The following KCNIP4 variants were observed in gnomAD, a reference collection of about 807,000 sequenced individuals.
KCNIP4 encodes Kv channel-interacting protein 4.
A neutral mutation model predicts 34.0 loss-of-function variants in KCNIP4; 12 were observed. The observed-to-expected ratio is 0.35, with a 90% CI of 0.23 to 0.57. KCNIP4 has a LOEUF of 0.57. Ranked by LOEUF, KCNIP4 falls within the 20% of genes least tolerant of loss-of-function variation. The pLI, the probability that KCNIP4 is intolerant of heterozygous loss-of-function variation, is 0.83. For missense variants in KCNIP4, 238 were observed against 311.7 expected (o/e 0.76, Z 1.78); for synonymous variants, 124 against 102.2 (o/e 1.21, Z -1.29).
chr4:21,631,130 T>C (rs1285505431), intron 1 of KCNIP4, among the ~76,000 whole-genome samples: 1 of 152,162 alleles, frequency 6.6e-6, no homozygotes, highest in Non-Finnish European at 1.5e-5. Flanking sequence ...TATGAATTTG[T>C]TACATGTTTA....
chr4:20,891,523 T>G (rs1483492020), intron 1 of KCNIP4, among the ~76,000 whole-genome samples: 1 of 152,122 alleles, frequency 6.6e-6, no homozygotes, highest in Non-Finnish European at 1.5e-5. Context: ...GAGAATCACT[T>G]GAACCCGGGA....
In KCNIP4 at chr4:20,999,940, C is replaced by T. The variant is rs1372160030; in HGVS notation, c.62-117231G>A. ...TTTCTGGTAGAGGCAACTTAACCTT[C>T]CCAGAGTATTCATCTCCACGTTTGG... is the stretch of plus-strand genomic sequence containing the variant. On this transcript the variant is annotated intron_variant, in intron 1 of 8. Coordinates refer to ENST00000382152, the MANE Select transcript of KCNIP4 (RefSeq NM_025221.6). Among the ~76,000 whole-genome samples, 3 of 152,122 alleles carry T rather than the reference C, an allele frequency of 2.0e-5. No individual in the cohort carries two copies. In the East Asian group the frequency reaches 5.8e-4, roughly 29 times the overall value.
intron 1 of KCNIP4, among the ~76,000 whole-genome samples, chr4:21,837,550 A>G (rs1723423258): frequency 6.8e-6 from 1 of 146,540 alleles, no homozygotes; most frequent in East Asian, 2.0e-4. Flanking sequence ...AAAAAAAAGA[A>G]AAAGAAAAAG....
chr4:20,906,781 T>C (rs540757729), intron 1 of KCNIP4, among the ~76,000 whole-genome samples: 1 of 152,206 alleles, frequency 6.6e-6, no homozygotes, highest in Non-Finnish European at 1.5e-5. Context: ...CTTTAGACCC[T>C]TGCCATTGCA....
intron 1 of KCNIP4, among the ~76,000 whole-genome samples, chr4:21,195,131 A>G (rs1755963797): frequency 6.6e-6 from 1 of 152,156 alleles, no homozygotes; most frequent in Non-Finnish European, 1.5e-5. Flanking sequence ...GGAAATCTTC[A>G]TTGCCGCAAA....
intron 1 of KCNIP4, among the ~76,000 whole-genome samples, chr4:21,567,874 C>G (rs1457223404): frequency 2.6e-5 from 4 of 152,082 alleles, no homozygotes; most frequent in African/African-American, 9.7e-5. Flanking sequence ...TAACATTTTT[C>G]TAGGTACCAG....
intron 1 of KCNIP4, among the ~76,000 whole-genome samples, chr4:21,782,936 T>C (rs1286339832): frequency 6.6e-6 from 1 of 152,058 alleles, no homozygotes; most frequent in Non-Finnish European, 1.5e-5. Context: ...ATATGATCCA[T>C]GTAGGTAAAA....
intron 3 of KCNIP4, among the ~76,000 whole-genome samples, chr4:20,834,087 T>G (rs2149462029): frequency 6.6e-6 from 1 of 152,190 alleles, no homozygotes; most frequent in African/African-American, 2.4e-5. Flanking sequence ...CCTGAAAAGG[T>G]GGAACAGAGA....
intron 1 of KCNIP4, among the ~76,000 whole-genome samples, chr4:21,044,592 G>C (rs1654736079): frequency 6.6e-6 from 1 of 152,106 alleles, no homozygotes; most frequent in South Asian, 2.1e-4. Context: ...TTACAGGCAT[G>C]AGCCACCATG....
intron 1 of KCNIP4, among the ~76,000 whole-genome samples, chr4:21,518,336 T>C (rs557271098): frequency 4.9e-4 from 74 of 152,316 alleles, no homozygotes; most frequent in African/African-American, 1.7e-3. Context: ...CTTCTTTTTT[T>C]CTTCAGCAGT....
At chr4:21,476,972 C>A (rs1375967549) in intron 1 of KCNIP4, among the ~76,000 whole-genome samples, 2 of 152,128 alleles carry the variant, frequency 1.3e-5, no homozygotes, top group African/African-American at 4.8e-5. Flanking sequence ...GCTGAAGATG[C>A]AACAGTGACC....
At chr4:21,038,424 A>G (rs961509724) in intron 1 of KCNIP4, among the ~76,000 whole-genome samples, 5 of 152,114 alleles carry the variant, frequency 3.3e-5, no homozygotes, top group African/African-American at 4.8e-5. Flanking sequence ...AGGACAGTTT[A>G]TGACTCATAG....
rs1747131221 is a variant in KCNIP4 at position 21,092,965 on chromosome 4, T to G, written c.62-210256A>C. Among the ~76,000 whole-genome samples, 5 of 152,248 alleles carry G rather than the reference T, an allele frequency of 3.3e-5. 1 individual carries two copies. The South Asian group carries it at 1.0e-3, about 31-fold the overall frequency. The stretch of plus-strand genomic sequence containing the variant: ...AGGTAAAATCTATCATTCAAAGGCA[T>G]ACAAGTACTTTGCAACTACGAAACA... On this transcript the variant is annotated intron_variant, in intron 1 of 8. Transcript: ENST00000382152.
intron 1 of KCNIP4, among the ~76,000 whole-genome samples, chr4:21,750,459 C>G (rs1041376631): frequency 2.0e-5 from 3 of 152,062 alleles, no homozygotes; most frequent in African/African-American, 7.2e-5. Context: ...AATATGCCTC[C>G]GCAGCTCTAG....
At chr4:20,840,937 G>GAC (rs1252298825) in intron 3 of KCNIP4, among the ~76,000 whole-genome samples, 1 of 152,216 alleles carries the variant, frequency 6.6e-6, no homozygotes, top group East Asian at 1.9e-4. Flanking sequence ...GCAAACACAG[G>GAC]ACACGAATAA....
intron 1 of KCNIP4, among the ~76,000 whole-genome samples, chr4:21,108,265 C>A (rs1050035739): frequency 2.1e-5 from 3 of 141,884 alleles, no homozygotes; most frequent in Non-Finnish European, 4.5e-5. Context: ...GGTCTTTTCA[C>A]GTAGTCCCAT....
At chr4:20,780,057 G>A (rs1187902307) in intron 3 of KCNIP4, among the ~76,000 whole-genome samples, 1 of 152,198 alleles carries the variant, frequency 6.6e-6, no homozygotes, top group Non-Finnish European at 1.5e-5. Context: ...CATGGATAAG[G>A]AAGTAGGGAT....
At chr4:21,038,196 C>T (rs898426400) in intron 1 of KCNIP4, among the ~76,000 whole-genome samples, 3 of 151,954 alleles carry the variant, frequency 2.0e-5, no homozygotes, top group African/African-American at 4.8e-5. Context: ...CAGATGGTCT[C>T]GATCTCCTGA....
intron 1 of KCNIP4, among the ~76,000 whole-genome samples, chr4:21,006,022 C>T (rs1422852983): frequency 2.0e-5 from 3 of 152,132 alleles, no homozygotes; most frequent in African/African-American, 7.2e-5. Flanking sequence ...AATAGAGAGC[C>T]TTAAAATGGA....
Sources: allele counts gnomAD v4.1 joint callset (sites outside exome capture counted in the v4.1 genomes callset), GRCh38; gene constraint gnomAD v4.1.1; transcripts MANE v1.5; gene names NCBI Gene and HGNC (gene_info 2026-07-23, HGNC 2026-07-21).